Variants in CDH13 observed in about 807,000 individuals in gnomAD.
CDH13 encodes cadherin-13.
CDH13 carries 24 observed loss-of-function variants against 63.8 expected under a neutral mutation model. The observed-to-expected ratio is 0.38, with a 90% confidence interval of 0.27 to 0.53. The LOEUF (loss-of-function observed/expected upper bound fraction) is 0.53. Ranked by LOEUF, CDH13 falls within the 20% of genes least tolerant of loss-of-function variation. The pLI is 0.85. For synonymous variants in CDH13, 503 were observed against 355.3 expected (o/e 1.42, Z -4.67); for missense variants, 1,049 against 903.1 (o/e 1.16, Z -2.07).
chr16:83,161,407 T>A (rs891104222), intron 4 of CDH13, among the ~76,000 whole-genome samples: 4 of 152,176 alleles, frequency 2.6e-5, no homozygotes, highest in African/African-American at 4.8e-5. Flanking sequence ...TTTGTTGTTT[T>A]TAAATGAGTA....
chr16:82,843,727 C>A (rs1410455463), intron 1 of CDH13, among the ~76,000 whole-genome samples: 1 of 152,174 alleles, frequency 6.6e-6, no homozygotes, highest in African/African-American at 2.4e-5. Context: ...TAATGTCTGG[C>A]AGAGAAGAAA....
intron 2 of CDH13, among the ~76,000 whole-genome samples, chr16:82,901,286 C>T (rs936909945): frequency 6.6e-6 from 1 of 150,876 alleles, no homozygotes; most frequent in African/African-American, 2.4e-5. Flanking sequence ...TATGATTTAC[C>T]TGATTAATAA....
At chr16:82,844,350 A>T (rs1399729945) in intron 1 of CDH13, 1 of 152,072 alleles carries the variant, frequency 6.6e-6, no homozygotes, top group Non-Finnish European at 1.5e-5. Context: ...CTATAAGGTA[A>T]TAAAACTCTG....
At chr16:83,733,724 T>C (rs402010) in intron 10 of CDH13, among the ~76,000 whole-genome samples, 121,446 of 152,152 alleles carry the variant, frequency 0.8, 49,008 homozygotes, top group African/African-American at 0.88. Flanking sequence ...TGAGAACAAA[T>C]ACAGAGGGGT....
chr16:83,059,860 T>C (rs2031361309), intron 3 of CDH13, among the ~76,000 whole-genome samples: 1 of 147,078 alleles, frequency 6.8e-6, no homozygotes, highest in South Asian at 2.2e-4. Context: ...AGTGGCAGGA[T>C]CTTGGCTCAC....
At chr16:83,039,847 C>T (rs1917184192) in intron 3 of CDH13, among the ~76,000 whole-genome samples, 1 of 152,112 alleles carries the variant, frequency 6.6e-6, no homozygotes, top group Non-Finnish European at 1.5e-5. Context: ...ATTGTTCCTT[C>T]CACTGAGGTT....
intron 5 of CDH13, among the ~76,000 whole-genome samples, chr16:83,225,661 G>A (rs563217362): frequency 6.6e-6 from 1 of 152,260 alleles, no homozygotes; most frequent in South Asian, 2.1e-4. Flanking sequence ...GAACTTTGTT[G>A]CCCTTAGAAT....
chr16:82,987,063 G>A (rs1324857858), intron 2 of CDH13, among the ~76,000 whole-genome samples: 1 of 152,116 alleles, frequency 6.6e-6, no homozygotes, highest in African/African-American at 2.4e-5. Flanking sequence ...ACACAAAATG[G>A]CTACTCAGGA....
intron 5 of CDH13, among the ~76,000 whole-genome samples, chr16:83,218,022 C>T (rs899358194): frequency 4.6e-5 from 7 of 152,142 alleles, no homozygotes; most frequent in African/African-American, 1.7e-4. Flanking sequence ...ATGAAAACAA[C>T]ATACAGACAC....
At chr16:83,119,722 G>A (rs1259883084) in intron 3 of CDH13, among the ~76,000 whole-genome samples, 3 of 152,148 alleles carry the variant, frequency 2.0e-5, no homozygotes, top group East Asian at 1.9e-4. Flanking sequence ...AACACAGAGA[G>A]TTGTCCCGAA....
chr16:83,674,569 A>T (rs368069843), intron 9 of CDH13, among the ~76,000 whole-genome samples: 1 of 152,268 alleles, frequency 6.6e-6, no homozygotes, highest in African/African-American at 2.4e-5. Flanking sequence ...TTTACAGTGC[A>T]TAAGGCAGAG....
At chr16:82,648,478 A>G (rs1910358845) in intron 1 of CDH13, among the ~76,000 whole-genome samples, 1 of 152,202 alleles carries the variant, frequency 6.6e-6, no homozygotes. Context: ...ACCATTAAAG[A>G]GGATGGTTAT....
In CDH13 at chr16:82,920,174, C is replaced by G. The variant is rs1163690593; in HGVS notation, c.157+61701C>G. Among the ~76,000 whole-genome samples, 4 of 152,164 alleles carry G rather than the reference C, an allele frequency of 2.6e-5. No homozygotes were observed. The East Asian group carries it at 5.8e-4, about 22-fold the overall frequency. On this transcript the variant is annotated intron_variant, in intron 2 of 13. Coordinates refer to ENST00000567109, the MANE Select transcript of CDH13 (RefSeq NM_001257.5). ...TGGGTGTATAAATTCAGATGGCACCCTCCACCAGGACTTCGTCTTCATCTC... is the reference window on the plus strand; with the variant it reads ...TGGGTGTATAAATTCAGATGGCACCGTCCACCAGGACTTCGTCTTCATCTC...
intron 1 of CDH13, among the ~76,000 whole-genome samples, chr16:82,857,770 A>T (rs890797731): frequency 6.6e-6 from 1 of 152,166 alleles, no homozygotes; most frequent in African/African-American, 2.4e-5. Flanking sequence ...ATTATTGACT[A>T]TTTTACATTC....
chr16:82,911,861 G>A (rs1163875247), intron 2 of CDH13, among the ~76,000 whole-genome samples: 1 of 151,846 alleles, frequency 6.6e-6, no homozygotes, highest in African/African-American at 2.4e-5. Flanking sequence ...TTGAGCTGAG[G>A]GCACCTGCTC....
At chr16:83,545,799 C>T (rs568387682) in intron 7 of CDH13, among the ~76,000 whole-genome samples, 1 of 152,248 alleles carries the variant, frequency 6.6e-6, no homozygotes, top group Admixed American at 6.5e-5. Context: ...ACTTCAAGAC[C>T]GCATTCAAAT....
chr16:83,272,961 A>T (rs1365988147), intron 5 of CDH13, among the ~76,000 whole-genome samples: 1 of 152,080 alleles, frequency 6.6e-6, no homozygotes, highest in Non-Finnish European at 1.5e-5. Context: ...TAGTACAGTG[A>T]GCTCGGTAAG....
chr16:83,158,513 C>T (rs1418161234), intron 4 of CDH13, among the ~76,000 whole-genome samples: 1 of 152,230 alleles, frequency 6.6e-6, no homozygotes, highest in Admixed American at 6.5e-5. Context: ...AGGTCACAGA[C>T]CTCTCCTGGT....
rs553916353 is a variant in CDH13 at position 83,370,751 on chromosome 16, C to G, written c.781+25745C>G. 5.9e-4 allele frequency among the ~76,000 whole-genome samples: 90 copies of G among 152,288 alleles called. 1 individual carries two copies. The highest frequency in any genetic ancestry group is 5.3e-4 in the Non-Finnish European group (36 of 68,022). On this transcript the variant is annotated intron_variant, in intron 6 of 13. Coordinates refer to ENST00000567109, the MANE Select transcript of CDH13 (RefSeq NM_001257.5). ...GGTTTTCCATTTCTTTGTTACTTTG[C>G]TTAGGATAATGGTCTCCATTTCCAT... is the stretch of plus-strand genomic sequence containing the variant.
Sources: allele counts gnomAD v4.1 joint callset (sites outside exome capture counted in the v4.1 genomes callset), GRCh38; gene constraint gnomAD v4.1.1; transcripts MANE v1.5; gene names NCBI Gene and HGNC (gene_info 2026-07-23, HGNC 2026-07-21).